Variants in PIP4K2A observed in about 807,000 individuals in gnomAD.
PIP4K2A encodes phosphatidylinositol-5-phosphate 4-kinase type 2 alpha, also known as phosphatidylinositol 5-phosphate 4-kinase type-2 alpha.
Under a neutral mutation model 42.9 loss-of-function variants are expected in PIP4K2A, and 14 were observed. That is an observed-to-expected ratio of 0.33 (90% CI 0.22 to 0.51). PIP4K2A has a LOEUF of 0.51. PIP4K2A is among the 20% of genes least tolerant of loss of function. PIP4K2A has a pLI of 0.97. For missense variants in PIP4K2A, 434 were observed against 519.8 expected (o/e 0.83, Z 1.61); for synonymous variants, 192 against 192.2 (o/e 1.00, Z 0.01).
chr10:22,609,147 C>T (rs1837976266), intron 2 of PIP4K2A, among the ~76,000 whole-genome samples: 1 of 152,206 alleles, frequency 6.6e-6, no homozygotes, highest in African/African-American at 2.4e-5. Context: ...ATAATAGGTG[C>T]TTCATAATGA....
At chr10:22,709,356 G>A (rs963690394) in intron 1 of PIP4K2A, among the ~76,000 whole-genome samples, 1 of 152,136 alleles carries the variant, frequency 6.6e-6, no homozygotes, top group Non-Finnish European at 1.5e-5. Context: ...AGGCTCAAGT[G>A]ACTAAATCAC....
intron 1 of PIP4K2A, among the ~76,000 whole-genome samples, chr10:22,623,628 C>T (rs1042261678): frequency 3.3e-5 from 5 of 152,138 alleles, no homozygotes; most frequent in Admixed American, 1.3e-4. Flanking sequence ...GACGTCCGTG[C>T]ACTGCTCAGG....
chr10:22,711,230 A>G (rs983184908), intron 1 of PIP4K2A, among the ~76,000 whole-genome samples: 6 of 152,094 alleles, frequency 3.9e-5, no homozygotes, highest in African/African-American at 1.4e-4. Flanking sequence ...TTTCATTACC[A>G]CCTCAATGGA....
intron 1 of PIP4K2A, among the ~76,000 whole-genome samples, chr10:22,647,098 A>G (rs1364898185): frequency 6.6e-6 from 1 of 152,216 alleles, no homozygotes; most frequent in Non-Finnish European, 1.5e-5. Context: ...CTGCTTTTTA[A>G]ATGAGGCTTT....
intron 4 of PIP4K2A, among the ~76,000 whole-genome samples, chr10:22,586,418 TAA>T (rs1053924256): frequency 6.6e-6 from 1 of 152,206 alleles, no homozygotes; most frequent in African/African-American, 2.4e-5. Flanking sequence ...CCTAGTGGAT[TAA>T]AAGAGTTAAG....
intron 1 of PIP4K2A, among the ~76,000 whole-genome samples, chr10:22,713,493 C>T (rs1833953145): frequency 6.6e-6 from 1 of 152,234 alleles, no homozygotes; most frequent in African/African-American, 2.4e-5. Flanking sequence ...GGCTCTCCAG[C>T]CCGCACAGCG....
At chr10:22,609,098 T>G (rs1837974902) in intron 2 of PIP4K2A, among the ~76,000 whole-genome samples, 1 of 152,242 alleles carries the variant, frequency 6.6e-6, no homozygotes, top group African/African-American at 2.4e-5. Flanking sequence ...GTGTCTTCTA[T>G]ATCATTGCAT....
chr10:22,616,096 G>A (rs1034684337), intron 1 of PIP4K2A, among the ~76,000 whole-genome samples: 2 of 152,186 alleles, frequency 1.3e-5, no homozygotes, highest in Admixed American at 6.5e-5. Flanking sequence ...TTTGTTGTCT[G>A]CATCAATAGA....
chr10:22,571,270 G>A (rs2130792946), intron 5 of PIP4K2A, among the ~76,000 whole-genome samples: 1 of 152,304 alleles, frequency 6.6e-6, no homozygotes, highest in South Asian at 2.1e-4. Context: ...GAATGAAGCT[G>A]CTAGGCTCCC....
At chr10:22,612,606 A>G (rs1237712263) in intron 1 of PIP4K2A, among the ~76,000 whole-genome samples, 1 of 152,222 alleles carries the variant, frequency 6.6e-6, no homozygotes, top group East Asian at 1.9e-4. Context: ...CGGAGGCGGC[A>G]GCAGAAACGA....
At chr10:22,603,008 T>C (rs1042136408) in intron 3 of PIP4K2A, among the ~76,000 whole-genome samples, 2 of 152,190 alleles carry the variant, frequency 1.3e-5, no homozygotes, top group African/African-American at 2.4e-5. Context: ...ATTCTAGAGA[T>C]AAAGGCAGAA....
At chr10:22,612,272 C>A (rs1329277063) in intron 1 of PIP4K2A, among the ~76,000 whole-genome samples, 3 of 152,246 alleles carry the variant, frequency 2.0e-5, no homozygotes, top group Admixed American at 6.5e-5. Context: ...AAGAACTGCC[C>A]CAAGTGTTGA....
intron 1 of PIP4K2A, among the ~76,000 whole-genome samples, chr10:22,654,438 A>C (rs1588687932): frequency 1.3e-5 from 2 of 152,360 alleles, no homozygotes; most frequent in South Asian, 4.1e-4. Flanking sequence ...GTAAGTACAA[A>C]AAGCTAAAAA....
chr10:22,535,309 A>C lies in PIP4K2A; in HGVS notation c.*1892T>G, dbSNP rs1406673559. ...GAATTAATGGTGCAGGGAAAAACCA[A>C]ATCATAGTATGGATTACTTTAAATA... On this transcript the variant is annotated 3_prime_UTR_variant, in exon 10 of 10. Coordinates refer to ENST00000376573, the MANE Select transcript of PIP4K2A (RefSeq NM_005028.5). 6.6e-6 allele frequency: 1 copy of C among 152,240 alleles called. No individual in the cohort carries two copies. Among genetic ancestry groups the C allele is most frequent in the Non-Finnish European group, 1.5e-5 (1 of 68,056 alleles). 9.4% of individuals were successfully genotyped at this position (152,240 alleles called of 1,614,324 possible).
At chr10:22,711,134 A>T (rs1284835259) in intron 1 of PIP4K2A, among the ~76,000 whole-genome samples, 3 of 152,240 alleles carry the variant, frequency 2.0e-5, no homozygotes, top group African/African-American at 7.2e-5. Context: ...ACTGATGGGT[A>T]TTTTAAGTTA....
intron 1 of PIP4K2A, among the ~76,000 whole-genome samples, chr10:22,630,377 T>G (rs548649000): frequency 6.6e-6 from 1 of 152,314 alleles, no homozygotes; most frequent in African/African-American, 2.4e-5. Flanking sequence ...TTATATTTTT[T>G]CCTCTAGCCC....
intron 1 of PIP4K2A, chr10:22,646,345 T>G (rs2130802405): frequency 6.6e-6 from 1 of 152,364 alleles, no homozygotes; most frequent in East Asian, 1.9e-4. Context: ...TAGTCTTACT[T>G]TTAAAAATAA....
chr10:22,664,134 T>C (rs1472651328), intron 1 of PIP4K2A, among the ~76,000 whole-genome samples: 1 of 45,926 alleles, frequency 2.2e-5, no homozygotes, highest in Non-Finnish European at 3.4e-5. Context: ...TATATACATA[T>C]ATATATACAT....
chr10:22,658,296 C>T (rs1839140643), intron 1 of PIP4K2A, among the ~76,000 whole-genome samples: 2 of 151,972 alleles, frequency 1.3e-5, no homozygotes, highest in African/African-American at 2.4e-5. Flanking sequence ...TAAACTGAAA[C>T]GGAAGAAATA....
Sources: gnomAD v4.1 joint callset for allele counts (sites outside exome capture counted in the v4.1 genomes callset) on GRCh38, gnomAD v4.1.1 for gene constraint, MANE v1.5 for transcripts, NCBI Gene and HGNC (gene_info 2026-07-23, HGNC 2026-07-21) for gene names.